Variants in IRAG1 observed in about 807,000 individuals in gnomAD.
The protein encoded by IRAG1 is IP3R-associated cGMP kinase substrate.
In IRAG1, 62 loss-of-function variants were observed where a neutral mutation model predicts 106.2. The observed-to-expected ratio is 0.58, with a 90% CI of 0.48 to 0.72. The LOEUF is 0.72. Ranked by LOEUF, IRAG1 falls within the 30% of genes least tolerant of loss-of-function variation. IRAG1 has a pLI of 0.00. For missense variants in IRAG1, 1,064 were observed against 1,140.7 expected (o/e 0.93, Z 0.97); for synonymous variants, 462 against 443.9 (o/e 1.04, Z -0.51).
chr11:10,680,241 C>G (rs1039564244), intron 1 of IRAG1, among the ~76,000 whole-genome samples: 1 of 142,712 alleles, frequency 7.0e-6, no homozygotes, highest in African/African-American at 2.6e-5. Flanking sequence ...CCACTACACT[C>G]CAGTCTGGGC....
rs1049122928 is a variant in IRAG1, at chr11:10,606,870, G to A, written c.1572-98C>T. Reference sequence around the variant, plus strand: ...CAGCAGACCATGTGTTTCCAGGGGTGGAGTAAGCTGTGTTGGTGAGAAGGA... The same window carrying A: ...CAGCAGACCATGTGTTTCCAGGGGTAGAGTAAGCTGTGTTGGTGAGAAGGA... On this transcript the variant is annotated intron_variant, in intron 11 of 20. Transcript: ENST00000423302. 9 of 1,157,632 alleles carry A rather than the reference G, an allele frequency of 7.8e-6. No homozygotes were observed. In the African/African-American group the frequency reaches 1.1e-4, roughly 14 times the overall value. 71.7% of individuals were successfully genotyped at this position (1,157,632 alleles called of 1,614,324 possible).
At chr11:10,654,996 T>C (rs773491401) in intron 1 of IRAG1, among the ~76,000 whole-genome samples, 2 of 152,170 alleles carry the variant, frequency 1.3e-5, no homozygotes, top group African/African-American at 4.8e-5. Context: ...TTAATTTCTA[T>C]CATCTTTACT....
intron 10 of IRAG1, among the ~76,000 whole-genome samples, chr11:10,616,637 C>G (rs537259783): frequency 1.3e-5 from 2 of 152,248 alleles, no homozygotes; most frequent in South Asian, 4.1e-4. Context: ...TTGGAGGAAG[C>G]AGTTACCAAA....
At chr11:10,579,398 T>A (rs1168191845) in intron 20 of IRAG1, among the ~76,000 whole-genome samples, 1 of 152,190 alleles carries the variant, frequency 6.6e-6, no homozygotes, top group Non-Finnish European at 1.5e-5. Context: ...GCTGATTAGA[T>A]ATTTTGTCTG....
chr11:10,638,506 T>G (rs1564922248), intron 2 of IRAG1, among the ~76,000 whole-genome samples: 2 of 124,132 alleles, frequency 1.6e-5, no homozygotes, highest in East Asian at 4.1e-4. Flanking sequence ...CAATGGAAAC[T>G]CTGACTGTGC....
chr11:10,604,685 A>C, intron 12 of IRAG1, 140 bp from the exon 13 acceptor site: 1 of 1,023,008 alleles, frequency 9.8e-7, no homozygotes, highest in Non-Finnish European at 1.5e-6. Flanking sequence ...TGTGCAAGGG[A>C]AACGCTCACT....
At chr11:10,637,866 AG>A (rs1320856192) in intron 2 of IRAG1, among the ~76,000 whole-genome samples, 1 of 152,132 alleles carries the variant, frequency 6.6e-6, no homozygotes, top group East Asian at 1.9e-4. Context: ...AGCCAGATAG[AG>A]GGGGCAGCAG....
chr11:10,642,315 GA>G (rs1353411295), intron 2 of IRAG1, among the ~76,000 whole-genome samples: 18 of 152,310 alleles, frequency 1.2e-4, no homozygotes, highest in Admixed American at 9.1e-4. Context: ...AGATTCTCAG[GA>G]ATGCACAATA....
Position 10,576,167 on chromosome 11 carries a change from G to A in IRAG1, c.*165C>T. On this transcript the variant is annotated 3_prime_UTR_variant, in exon 21 of 21. Transcript: ENST00000423302. ...GATCCTCCAAGAACATCAAGTCACT[G>A]TGTATGAATAGCTCCCACAGAAGTG... 1.2e-6 allele frequency: 1 copy of A among 851,778 alleles called. No homozygotes were observed. Among genetic ancestry groups the A allele is most frequent in the Non-Finnish European group, 1.8e-6 (1 of 561,900 alleles). The allele number at this position is 851,778 out of a possible 1,614,324, so 52.8% of individuals were successfully genotyped here. A position where few individuals can be genotyped will look rare whatever the true frequency, so the allele number is the denominator to read the frequency against.
At chr11:10,597,508 A>AT (rs1020944389) in intron 15 of IRAG1, among the ~76,000 whole-genome samples, 3 of 151,608 alleles carry the variant, frequency 2.0e-5, no homozygotes, top group Admixed American at 6.6e-5. Flanking sequence ...TTTTATTTTT[A>AT]TTTTTTGTGG....
At chr11:10,614,690 G>A (rs1855251757) in intron 10 of IRAG1, among the ~76,000 whole-genome samples, 2 of 152,206 alleles carry the variant, frequency 1.3e-5, no homozygotes, top group African/African-American at 4.8e-5. Context: ...AAGAAATGGG[G>A]AAAGGAGTCC....
chr11:10,585,077 A>T (rs1197421553), intron 18 of IRAG1, among the ~76,000 whole-genome samples: 1 of 152,230 alleles, frequency 6.6e-6, no homozygotes, highest in Non-Finnish European at 1.5e-5. Context: ...AATTAACATT[A>T]CATTTTCATA....
Position 10,652,234 on chromosome 11 carries a change from G to C in IRAG1, c.68-52C>G, listed in dbSNP as rs369938151. On this transcript the variant is annotated intron_variant, in intron 1 of 20. Transcript: ENST00000423302. ...AAATCCATTCCCATCCCTGTCCCAA[G>C]CTGGGTTCCATTTCCCGGAGCCACA... The C allele has an allele frequency of 3.8e-6, 6 of 1,598,994 alleles. No homozygotes were observed. In the African/African-American group the frequency reaches 8.0e-5, roughly 21 times the overall value.
At chr11:10,669,377 C>G (rs1215680647) in intron 1 of IRAG1, among the ~76,000 whole-genome samples, 1 of 152,202 alleles carries the variant, frequency 6.6e-6, no homozygotes, top group Non-Finnish European at 1.5e-5. Context: ...GGAGTTCTAG[C>G]CAGAGGGATG....
At chr11:10,576,675 G>A in intron 20 of IRAG1, 100 bp from the exon 21 acceptor site, 1 of 1,466,594 alleles carries the variant, frequency 6.8e-7, no homozygotes, top group Non-Finnish European at 9.3e-7. Flanking sequence ...ATGCTGTCTT[G>A]AGCAATAGTT....
chr11:10,686,235 G>C (rs753203977), intron 1 of IRAG1, among the ~76,000 whole-genome samples: 17 of 152,180 alleles, frequency 1.1e-4, no homozygotes, highest in Non-Finnish European at 2.2e-4. Flanking sequence ...AGGGGACTCA[G>C]AGGTTAGATC....
chr11:10,667,023 C>T (rs1462349899), intron 1 of IRAG1, among the ~76,000 whole-genome samples: 1 of 152,146 alleles, frequency 6.6e-6, no homozygotes, highest in Non-Finnish European at 1.5e-5. Flanking sequence ...CCTGTGCCCA[C>T]AGTTGGTATT....
chr11:10,639,785 C>T lies in IRAG1; in HGVS notation c.226-5714G>A, dbSNP rs556203800. Reference sequence around the variant, plus strand: ...TTTGTTTGTATGATTGACTCACAAACATTTACTGAAGAGTCTTACAGAGCA... The same window carrying T: ...TTTGTTTGTATGATTGACTCACAAATATTTACTGAAGAGTCTTACAGAGCA... On this transcript the variant is annotated intron_variant, in intron 2 of 20. Coordinates refer to ENST00000423302, the MANE Select transcript of IRAG1 (RefSeq NM_130385.4). Among the ~76,000 whole-genome samples the T allele has an allele frequency of 9.2e-5, 14 of 152,272 alleles. No homozygotes were observed. In the South Asian group the frequency reaches 2.9e-3, roughly 32 times the overall value.
intron 9 of IRAG1, 52 bp downstream of exon 9, chr11:10,625,914 C>T (rs571016188): frequency 4.3e-6 from 6 of 1,388,524 alleles, no homozygotes; most frequent in Non-Finnish European, 5.6e-6. Flanking sequence ...GGTCTTCAGC[C>T]CAGGGAGTAC....
Sources: gnomAD v4.1 joint callset for allele counts (sites outside exome capture counted in the v4.1 genomes callset) on GRCh38, gnomAD v4.1.1 for gene constraint, MANE v1.5 for transcripts, NCBI Gene and HGNC (gene_info 2026-07-23, HGNC 2026-07-21) for gene names.